MEGF10: variants seen among roughly 807,000 people sequenced by gnomAD.
The protein encoded by MEGF10 is multiple epidermal growth factor-like domains protein 10.
A neutral mutation model predicts 147.5 loss-of-function variants in MEGF10; 86 were observed. That is an observed-to-expected ratio of 0.58 (90% CI 0.49 to 0.70). The LOEUF (loss-of-function observed/expected upper bound fraction) is 0.70. Among genes scored for constraint, MEGF10 ranks in the 30% least tolerant of loss-of-function variants. The pLI is 0.00. For missense variants in MEGF10, 1,329 were observed against 1,487.3 expected (o/e 0.89, Z 1.75); for synonymous variants, 478 against 525.5 (o/e 0.91, Z 1.24).
chr5:127,442,789 C>T (rs1765802746), intron 18 of MEGF10, among the ~76,000 whole-genome samples: 1 of 152,176 alleles, frequency 6.6e-6, no homozygotes, highest in Non-Finnish European at 1.5e-5. Flanking sequence ...TTGAGCAGCC[C>T]TGTCTCTAGC....
intron 8 of MEGF10, 105 bp downstream of exon 8, chr5:127,402,787 T>A: frequency 8.2e-7 from 1 of 1,213,466 alleles, no homozygotes; most frequent in Non-Finnish European, 1.1e-6. Context: ...GACTCTTCCA[T>A]AATATTTCAG....
At chr5:127,309,996 TC>T (rs1406254856) in intron 1 of MEGF10, among the ~76,000 whole-genome samples, 1 of 64,886 alleles carries the variant, frequency 1.5e-5, no homozygotes, top group African/African-American at 5.9e-5. Flanking sequence ...TTTCTTTCTT[TC>T]CTTCCTTCCT....
chr5:127,393,731 C>A (rs754983497), intron 5 of MEGF10, among the ~76,000 whole-genome samples: 7 of 152,146 alleles, frequency 4.6e-5, no homozygotes, highest in Non-Finnish European at 8.8e-5. Flanking sequence ...TCTTGAAAAG[C>A]CTGAAACCCA....
At chr5:127,340,470 G>C in intron 3 of MEGF10, 60 bp from the exon 4 acceptor site, 1 of 1,315,830 alleles carries the variant, frequency 7.6e-7, no homozygotes, top group East Asian at 2.3e-5. Context: ...TAACTAGTTT[G>C]AAATACTTTG....
At chr5:127,402,219 A>G (rs889232068) in intron 7 of MEGF10, among the ~76,000 whole-genome samples, 1 of 152,182 alleles carries the variant, frequency 6.6e-6, no homozygotes, top group Non-Finnish European at 1.5e-5. Context: ...ACTTATGAGG[A>G]TTTATACATT....
intron 4 of MEGF10, among the ~76,000 whole-genome samples, chr5:127,363,477 G>A (rs568660489): frequency 6.6e-5 from 10 of 152,274 alleles, no homozygotes; most frequent in African/African-American, 2.4e-4. Context: ...CGGGCAGCAG[G>A]AAGGAGAAAG....
intron 18 of MEGF10, among the ~76,000 whole-genome samples, chr5:127,441,517 C>G (rs1765756619): frequency 6.6e-6 from 1 of 152,196 alleles, no homozygotes; most frequent in African/African-American, 2.4e-5. Context: ...CATCCCCTCA[C>G]AGAGTTATAA....
rs1763922679 is a variant in MEGF10 at position 127,396,593 on chromosome 5, T to G, written c.474T>G (p.Ala158=). The G allele has an allele frequency of 1.2e-6, 2 of 1,606,050 alleles. No individual in the cohort carries two copies. Among genetic ancestry groups the G allele is most frequent in the Non-Finnish European group, 8.5e-7 (1 of 1,174,532 alleles). ...GCCGGTGCCAGTGCAAAAATGGGGCTCTGTGCAACCCCATCACCGGGGCTT... is the reference window on the plus strand; with the variant it reads ...GCCGGTGCCAGTGCAAAAATGGGGCGCTGTGCAACCCCATCACCGGGGCTT... ...CTSRCQCKNG[A]LCNPITGACH... The change falls in exon 6 of 25, where the codon GCT becomes GCG. Residue 158 remains alanine, a synonymous_variant. Transcript: ENST00000503335.
At chr5:127,319,128 T>A (rs1412324459) in intron 1 of MEGF10, among the ~76,000 whole-genome samples, 1 of 148,302 alleles carries the variant, frequency 6.7e-6, no homozygotes, top group Non-Finnish European at 1.5e-5. Flanking sequence ...CAGGCTGGAG[T>A]GCAGTGGTAT....
Position 127,422,866 on chromosome 5 carries a change from ACTTTTC to A in MEGF10, c.1693+95_1693+100del. ...ACTTCACAGAAACACACACCAGTCA[ACTTTTC>A]AAAAAAAATGAAAATTCGATAAGGT... On this transcript the variant is annotated intron_variant, in intron 13 of 24. Transcript: ENST00000503335. 4 of 898,302 alleles carry A rather than the reference ACTTTTC, an allele frequency of 4.5e-6. No homozygotes were observed. The Admixed American group carries it at 7.2e-5, about 16-fold the overall frequency. The allele number at this position is 898,302 out of a possible 1,614,324, so 55.6% of individuals were successfully genotyped here. A position where few individuals can be genotyped will look rare whatever the true frequency, so the allele number is the denominator to read the frequency against.
At chr5:127,230,750 C>T in the MEGF10 span, among the ~76,000 whole-genome samples, 1 of 152,120 alleles carries the variant, frequency 6.6e-6, no homozygotes, top group Non-Finnish European at 1.5e-5. Context: ...GCCAATACCA[C>T]GTAGGTTTGT....
chr5:127,409,349 C>T (rs566167406), intron 8 of MEGF10, among the ~76,000 whole-genome samples: 28 of 152,288 alleles, frequency 1.8e-4, no homozygotes, highest in African/African-American at 4.8e-4. Flanking sequence ...AAGTGGCTGC[C>T]GAGACAAAGT....
rs546771137 is a variant in MEGF10, at chr5:127,396,382, T to C, written c.413-150T>C. On this transcript the variant is annotated intron_variant, in intron 5 of 24. Transcript: ENST00000503335. ...GGCCCAGTTGGTGCTGAGCACCAGT[T>C]TGTGAAGCATTGCCATGGGTTGGGG... 8.8e-5 allele frequency: 73 copies of C among 825,272 alleles called. 1 individual carries two copies. The African/African-American group carries it at 1.3e-3, about 14-fold the overall frequency. 51.1% of individuals were successfully genotyped at this position (825,272 alleles called of 1,614,324 possible). A position where few individuals can be genotyped will look rare whatever the true frequency, so the allele number is the denominator to read the frequency against.
In MEGF10 at chr5:127,391,098, GCGCGCACACACACA is replaced by G. The variant is rs1290528229; in HGVS notation, c.413-5432_413-5419del. ...CATACATACACACATGCGCGCGCGC[GCGCGCACACACACA>G]CACACACACACACACACACACACAC... On this transcript the variant is annotated intron_variant, in intron 5 of 24. Transcript: ENST00000503335. 2.7e-4 allele frequency among the ~76,000 whole-genome samples: 8 copies of G among 29,790 alleles called. 1 individual carries two copies. The highest frequency in any genetic ancestry group is 5.6e-4 in the African/African-American group (8 of 14,366). The allele number at this position is 29,790 out of a possible 152,430, so 19.5% of individuals were successfully genotyped here.
intron 5 of MEGF10, among the ~76,000 whole-genome samples, chr5:127,373,403 C>T (rs1038661551): frequency 2.6e-5 from 4 of 152,182 alleles, no homozygotes; most frequent in African/African-American, 9.7e-5. Flanking sequence ...CCACCCACCT[C>T]GGCCTCCCAA....
intron 5 of MEGF10, among the ~76,000 whole-genome samples, chr5:127,391,042 T>C (rs893339721): frequency 5.3e-5 from 8 of 151,798 alleles, no homozygotes; most frequent in Middle Eastern, 3.2e-3. Context: ...TTATCTTTTA[T>C]GAACGGTTAT....
chr5:127,321,018 G>T (rs1760766918), intron 1 of MEGF10, among the ~76,000 whole-genome samples: 1 of 152,208 alleles, frequency 6.6e-6, no homozygotes, highest in African/African-American at 2.4e-5. Context: ...AACTTTTAGT[G>T]AATATGCATT....
the MEGF10 span, among the ~76,000 whole-genome samples, chr5:127,258,663 T>C: frequency 1.3e-5 from 2 of 152,182 alleles, no homozygotes; most frequent in Non-Finnish European, 2.9e-5. Flanking sequence ...AATAGGTATT[T>C]AGGTTATGAG....
At chr5:127,309,021 A>C (rs1312047864) in intron 1 of MEGF10, among the ~76,000 whole-genome samples, 1 of 152,068 alleles carries the variant, frequency 6.6e-6, no homozygotes, top group Non-Finnish European at 1.5e-5. Flanking sequence ...TGGCCCAAGG[A>C]GAAGGGGGTG....
Sources: allele counts gnomAD v4.1 joint callset (sites outside exome capture counted in the v4.1 genomes callset), GRCh38; gene constraint gnomAD v4.1.1; transcripts MANE v1.5; gene names NCBI Gene and HGNC (gene_info 2026-07-23, HGNC 2026-07-21).